FBXW7: variants seen among roughly 807,000 people sequenced by gnomAD.
FBXW7 encodes F-box/WD repeat-containing protein 7.
A neutral mutation model predicts 86.3 loss-of-function variants in FBXW7; 11 were observed. The observed-to-expected ratio is 0.13, with a 90% CI of 0.08 to 0.21. The LOEUF (loss-of-function observed/expected upper bound fraction) is 0.21, where lower values mean the gene tolerates loss of function less well. Among genes scored for constraint, FBXW7 ranks in the 10% least tolerant of loss-of-function variants. FBXW7 has a pLI of 1.00. For missense variants in FBXW7, 488 were observed against 847.4 expected (o/e 0.58, Z 5.27); for synonymous variants, 313 against 297.9 (o/e 1.05, Z -0.52).
In FBXW7 at chr4:152,535,819, G is replaced by A. The variant is rs977269048; in HGVS notation, c.-905C>T. ...CCCCAAGCCGCCGGCTCCGGCTCAG[G>A]CTCGGGCTCCGGCTCTGGCTCCGGC... On this transcript the variant is annotated 5_prime_UTR_variant, in exon 1 of 14. Coordinates refer to ENST00000281708, the MANE Select transcript of FBXW7 (RefSeq NM_001349798.2). 4 of 392,834 alleles carry A rather than the reference G, an allele frequency of 1.0e-5. No individual in the cohort carries two copies. Among genetic ancestry groups the A allele is most frequent in the Admixed American group, 4.5e-5 (1 of 22,358 alleles). The allele number at this position is 392,834 out of a possible 1,614,324, so 24.3% of individuals were successfully genotyped here. A position where few individuals can be genotyped will look rare whatever the true frequency, so the allele number is the denominator to read the frequency against.
intron 2 of FBXW7, among the ~76,000 whole-genome samples, chr4:152,497,246 C>T (rs1318470201): frequency 2.7e-5 from 4 of 148,824 alleles, no homozygotes; most frequent in Admixed American, 2.0e-4. Flanking sequence ...TCACTTGAAC[C>T]CGGGAGGCAG....
chr4:152,479,173 G>A (rs892576772), intron 2 of FBXW7, among the ~76,000 whole-genome samples: 1 of 151,994 alleles, frequency 6.6e-6, no homozygotes, highest in Non-Finnish European at 1.5e-5. Context: ...CAATGGAGAC[G>A]AACCTCCTAA....
At chr4:152,487,860 G>T (rs148173764) in intron 2 of FBXW7, among the ~76,000 whole-genome samples, 1 of 151,974 alleles carries the variant, frequency 6.6e-6, no homozygotes, top group South Asian at 2.1e-4. Flanking sequence ...AATTCTTGCT[G>T]TTTAAAACAA....
chr4:152,525,739 T>G (rs1383011464), intron 2 of FBXW7, among the ~76,000 whole-genome samples: 1 of 152,210 alleles, frequency 6.6e-6, no homozygotes, highest in Non-Finnish European at 1.5e-5. Flanking sequence ...TCTTTGCTAT[T>G]GTGATTAGTG....
At chr4:152,332,958 ACTT>A (rs1426692089) in intron 7 of FBXW7, among the ~76,000 whole-genome samples, 1 of 152,012 alleles carries the variant, frequency 6.6e-6, no homozygotes, top group Admixed American at 6.6e-5. Flanking sequence ...TTCAAGGACT[ACTT>A]ATTAAACCTC....
At chr4:152,378,900 G>A (rs1734801431) in intron 4 of FBXW7, among the ~76,000 whole-genome samples, 1 of 152,132 alleles carries the variant, frequency 6.6e-6, no homozygotes, top group Non-Finnish European at 1.5e-5. Flanking sequence ...CAGCTACTTG[G>A]GAGGCTGAGG....
At chr4:152,361,002 G>A (rs535370090) in intron 4 of FBXW7, among the ~76,000 whole-genome samples, 4 of 152,002 alleles carry the variant, frequency 2.6e-5, no homozygotes, top group Admixed American at 2.6e-4. Flanking sequence ...GGCATAACTT[G>A]AACCAATCTT....
At chr4:152,380,504 T>C (rs978154075) in intron 4 of FBXW7, among the ~76,000 whole-genome samples, 4 of 151,734 alleles carry the variant, frequency 2.6e-5, no homozygotes, top group African/African-American at 9.7e-5. Context: ...TAATATTTAG[T>C]TTTATTCTGC....
chr4:152,480,653 T>C (rs966913857), intron 2 of FBXW7, among the ~76,000 whole-genome samples: 23 of 152,298 alleles, frequency 1.5e-4, no homozygotes, highest in African/African-American at 5.3e-4. Context: ...TTAAATGTGC[T>C]ACTCCAGTGA....
At chr4:152,484,594 T>C (rs1030587706) in intron 2 of FBXW7, among the ~76,000 whole-genome samples, 3 of 152,170 alleles carry the variant, frequency 2.0e-5, no homozygotes, top group African/African-American at 4.8e-5. Flanking sequence ...ATAAAATAAA[T>C]CCACTCACAT....
rs972871685 is a variant in FBXW7, at chr4:152,520,302, G to A, written c.-120+14639C>T. Among the ~76,000 whole-genome samples, 5 of 151,632 alleles carry A rather than the reference G, an allele frequency of 3.3e-5. 1 individual carries two copies. Among genetic ancestry groups the A allele is most frequent in the East Asian group, 1.9e-4 (1 of 5,160 alleles). On this transcript the variant is annotated intron_variant, in intron 2 of 13. Coordinates refer to ENST00000281708, the MANE Select transcript of FBXW7 (RefSeq NM_001349798.2). ...CAAAAAATTAGCCGGGCGCGGTGGC[G>A]GGCGCCTGTAGTCCCAGCTACTGGG...
intron 2 of FBXW7, among the ~76,000 whole-genome samples, chr4:152,532,556 T>C (rs1412769397): frequency 1.3e-5 from 2 of 152,216 alleles, no homozygotes; most frequent in African/African-American, 4.8e-5. Flanking sequence ...CCTTATGCCT[T>C]TCAATTCCAA....
intron 2 of FBXW7, among the ~76,000 whole-genome samples, chr4:152,417,052 G>A (rs1326161893): frequency 6.6e-6 from 1 of 152,100 alleles, no homozygotes; most frequent in Non-Finnish European, 1.5e-5. Flanking sequence ...CCCTCAGGCA[G>A]CACTGTTACT....
intron 4 of FBXW7, among the ~76,000 whole-genome samples, chr4:152,380,764 T>A (rs999203518): frequency 2.0e-5 from 3 of 152,028 alleles, no homozygotes; most frequent in Non-Finnish European, 4.4e-5. Flanking sequence ...AAAAATTAAC[T>A]TGATTATTAA....
intron 2 of FBXW7, among the ~76,000 whole-genome samples, chr4:152,491,305 AACATAATCAT>A (rs1239768235): frequency 6.6e-6 from 1 of 152,202 alleles, no homozygotes; most frequent in Non-Finnish European, 1.5e-5. Flanking sequence ...AAACTACACC[AACATAATCAT>A]TCAATAAATG....
chr4:152,385,425 G>A (rs1451164423), intron 4 of FBXW7, among the ~76,000 whole-genome samples: 1 of 151,920 alleles, frequency 6.6e-6, no homozygotes, highest in Non-Finnish European at 1.5e-5. Flanking sequence ...AAAGTCACAT[G>A]TATTTACATG....
At chr4:152,375,725 A>G (rs954158378) in intron 4 of FBXW7, among the ~76,000 whole-genome samples, 1 of 152,150 alleles carries the variant, frequency 6.6e-6, no homozygotes, top group Non-Finnish European at 1.5e-5. Flanking sequence ...ATAAGAATAA[A>G]TGTGCTTTAA....
chr4:152,496,492 A>G (rs1378832100), intron 2 of FBXW7, among the ~76,000 whole-genome samples: 1 of 152,082 alleles, frequency 6.6e-6, no homozygotes, highest in Non-Finnish European at 1.5e-5. Flanking sequence ...AGGATGGCCA[A>G]CATGGCGAAA....
chr4:152,333,629 C>T (rs985635320), intron 7 of FBXW7, among the ~76,000 whole-genome samples: 1 of 151,950 alleles, frequency 6.6e-6, no homozygotes, highest in Non-Finnish European at 1.5e-5. Flanking sequence ...ATGACAAGAA[C>T]TAACATAAAT....
Sources: gnomAD v4.1 joint callset for allele counts (sites outside exome capture counted in the v4.1 genomes callset) on GRCh38, gnomAD v4.1.1 for gene constraint, MANE v1.5 for transcripts, NCBI Gene and HGNC (gene_info 2026-07-23, HGNC 2026-07-21) for gene names.